Variants in KANSL3 observed in about 807,000 individuals in gnomAD.
KANSL3 encodes NSL complex protein NSL3.
Under a neutral mutation model 89.2 loss-of-function variants are expected in KANSL3, and 16 were observed. The ratio of observed to expected loss-of-function variants is 0.18; its 90% CI spans 0.12 to 0.27. The LOEUF (loss-of-function observed/expected upper bound fraction) is 0.27, where lower values mean the gene tolerates loss of function less well. Among genes scored for constraint, KANSL3 ranks in the 10% least tolerant of loss-of-function variants. The pLI, the probability that KANSL3 is intolerant of heterozygous loss-of-function variation, is 1.00. For synonymous variants in KANSL3, 385 were observed against 419.7 expected (o/e 0.92, Z 1.01); for missense variants, 879 against 1,110.6 (o/e 0.79, Z 2.96).
intron 5 of KANSL3, among the ~76,000 whole-genome samples, chr2:96,618,450 G>A (rs1268413278): frequency 6.6e-6 from 1 of 152,156 alleles, no homozygotes; most frequent in Admixed American, 6.5e-5. Flanking sequence ...TCAGCCTCCC[G>A]AAGTGCTAGG....
intron 5 of KANSL3, among the ~76,000 whole-genome samples, chr2:96,615,998 T>A (rs763079528): frequency 1.3e-5 from 2 of 152,182 alleles, no homozygotes; most frequent in Non-Finnish European, 2.9e-5. Flanking sequence ...GCATGTGAAA[T>A]GAGACAGGCT....
At chr2:96,621,467 T>C (rs946011127) in intron 3 of KANSL3, among the ~76,000 whole-genome samples, 5 of 151,200 alleles carry the variant, frequency 3.3e-5, no homozygotes, top group Admixed American at 2.6e-4. Flanking sequence ...TGAGCCGAGA[T>C]TGCGCCACTG....
intron 1 of KANSL3, among the ~76,000 whole-genome samples, chr2:96,637,761 T>C (rs781228864): frequency 6.6e-6 from 1 of 152,130 alleles, no homozygotes; most frequent in Non-Finnish European, 1.5e-5. Flanking sequence ...TATTCCAGAG[T>C]TGTTTACATA....
In KANSL3 at chr2:96,604,797, C is replaced by G. The variant is rs371454984; in HGVS notation, c.2000G>C (p.Gly667Ala). 17 of 1,597,450 alleles carry G rather than the reference C, an allele frequency of 1.1e-5. No homozygotes were observed. Among genetic ancestry groups the G allele is most frequent in the Non-Finnish European group, 1.3e-5 (15 of 1,172,096 alleles). ...QASAGAKELT[G>A]LLTTAKSSSS... ...CACTCACTTGGCTGTGGTGAGAAGT[C>G]CTGTGAGCTCCTTGGCCCCTGCTGA... is the stretch of plus-strand genomic sequence containing the variant. Residue 667 changes from glycine to alanine, a missense_variant, in exon 16 of 21, where the codon GGA (glycine) becomes GCA (alanine). Coordinates refer to ENST00000431828, the MANE Select transcript of KANSL3 (RefSeq NM_001115016.3).
intron 3 of KANSL3, chr2:96,627,839 G>T: frequency 9.1e-7 from 1 of 1,103,274 alleles, no homozygotes; most frequent in Non-Finnish European, 1.2e-6. Context: ...TTCAGGGACA[G>T]GGTCATAAAA....
At chr2:96,624,840 A>G (rs192345020) in intron 3 of KANSL3, among the ~76,000 whole-genome samples, 1 of 152,180 alleles carries the variant, frequency 6.6e-6, no homozygotes, top group East Asian at 1.9e-4. Context: ...TCTATATTTT[A>G]TATACTCATA....
At chr2:96,613,388 A>T in intron 6 of KANSL3, 100 bp downstream of exon 6, 1 of 927,364 alleles carries the variant, frequency 1.1e-6, no homozygotes, top group Non-Finnish European at 1.6e-6. Flanking sequence ...AATAATAATA[A>T]TAAATAGTTA....
chr2:96,626,612 C>A (rs1463001967), intron 3 of KANSL3, among the ~76,000 whole-genome samples: 2 of 152,138 alleles, frequency 1.3e-5, no homozygotes, highest in East Asian at 3.8e-4. Flanking sequence ...TTGAGCAATT[C>A]TGAGAAGTAT....
rs2074559274 is a variant in KANSL3, at chr2:96,638,273, C to A, written c.-51+10G>T. On this transcript the variant is annotated intron_variant, in intron 1 of 20. Coordinates refer to ENST00000431828, the MANE Select transcript of KANSL3 (RefSeq NM_001115016.3). ...CCCGCCACTCCCCTCGAAGCCAACGCTGCTCTCACCCGCGGTCTTACGGCC... is the reference window on the plus strand; with the variant it reads ...CCCGCCACTCCCCTCGAAGCCAACGATGCTCTCACCCGCGGTCTTACGGCC... 6.6e-6 allele frequency: 1 copy of A among 152,336 alleles called. No individual in the cohort carries two copies. The highest frequency in any genetic ancestry group is 1.5e-5 in the Non-Finnish European group (1 of 68,118). The allele number at this position is 152,336 out of a possible 1,614,324, so 9.4% of individuals were successfully genotyped here.
chr2:96,581,185 G>T, the KANSL3 span, among the ~76,000 whole-genome samples: 1 of 152,224 alleles, frequency 6.6e-6, no homozygotes, highest in African/African-American at 2.4e-5. Context: ...CAGCACTCCG[G>T]GAGGCCGAAG....
In KANSL3 at chr2:96,605,311, GAA is replaced by G; in HGVS notation, c.1933+7_1933+8del. The G allele has an allele frequency of 6.2e-7, 1 of 1,603,966 alleles. No individual in the cohort carries two copies. Among genetic ancestry groups the G allele is most frequent in the Non-Finnish European group, 8.5e-7 (1 of 1,173,628 alleles). ...TCAGTTCTCATTTAACGTACCAAGAGAAACTCACCTTCTGGAGCACTTCCTTG... is the reference window on the plus strand; with the variant it reads ...TCAGTTCTCATTTAACGTACCAAGAGACTCACCTTCTGGAGCACTTCCTTG... On this transcript the variant is annotated splice_region_variant and intron_variant, in intron 15 of 20. Transcript: ENST00000431828.
In KANSL3 at chr2:96,637,197, AG is replaced by A. The variant is rs1335886921; in HGVS notation, c.-50-13del. On this transcript the variant is annotated splice_polypyrimidine_tract_variant and intron_variant, in intron 1 of 20. Coordinates refer to ENST00000431828, the MANE Select transcript of KANSL3 (RefSeq NM_001115016.3). ...TGCATGCTAGTCACCTGCAGTGAAA[AG>A]TTTCAGTTTAGGTCAATTCCAATAT... 1.8e-6 allele frequency: 2 copies of A among 1,132,480 alleles called. No homozygotes were observed. Among genetic ancestry groups the A allele is most frequent in the Admixed American group, 2.3e-5 (1 of 44,024 alleles). The allele number at this position is 1,132,480 out of a possible 1,614,324, so 70.2% of individuals were successfully genotyped here.
chr2:96,623,140 T>G (rs1337189124), intron 3 of KANSL3, among the ~76,000 whole-genome samples: 1 of 152,226 alleles, frequency 6.6e-6, no homozygotes, highest in Non-Finnish European at 1.5e-5. Flanking sequence ...TCACAAATAC[T>G]GGGGAATTAA....
chr2:96,604,241 A>T lies in KANSL3; in HGVS notation c.2149+9T>A. ...TGTTGGAAGGGGAGAATGCTGGGCC[A>T]CAAGATACCTGGGAGGGAGCTGCCA... is the stretch of plus-strand genomic sequence containing the variant. On this transcript the variant is annotated intron_variant, in intron 17 of 20. Transcript: ENST00000431828. 4 of 1,595,808 alleles carry T rather than the reference A, an allele frequency of 2.5e-6. No homozygotes were observed. The highest frequency in any genetic ancestry group is 3.4e-6 in the Non-Finnish European group (4 of 1,172,924).
At chr2:96,622,129 A>T (rs1163992234) in intron 3 of KANSL3, among the ~76,000 whole-genome samples, 1 of 148,430 alleles carries the variant, frequency 6.7e-6, no homozygotes, top group Non-Finnish European at 1.5e-5. Flanking sequence ...AAAAAAAAAA[A>T]TTAAACAAAT....
rs35175492 is a variant in KANSL3 at position 96,609,950 on chromosome 2, C to CAAAAAAAAAAAAAAAAA, written c.1320-405_1320-389dup. On this transcript the variant is annotated intron_variant, in intron 11 of 20. Coordinates refer to ENST00000431828, the MANE Select transcript of KANSL3 (RefSeq NM_001115016.3). ...TAGGCGACAGAGCCAGGCGCCACCT[C>CAAAAAAAAAAAAAAAAA]AAAAAAAAAAAAAAAAAAAAAAAAA... Among the ~76,000 whole-genome samples, 2 of 21,612 alleles carry CAAAAAAAAAAAAAAAAA rather than the reference C, an allele frequency of 9.3e-5. 1 individual carries two copies. Among genetic ancestry groups the CAAAAAAAAAAAAAAAAA allele is most frequent in the African/African-American group, 4.1e-4 (2 of 4,872 alleles). The allele number at this position is 21,612 out of a possible 152,430, so 14.2% of individuals were successfully genotyped here. A position where few individuals can be genotyped will look rare whatever the true frequency, so the allele number is the denominator to read the frequency against.
intron 5 of KANSL3, among the ~76,000 whole-genome samples, chr2:96,614,656 A>G (rs1156577925): frequency 6.6e-6 from 1 of 151,996 alleles, no homozygotes; most frequent in Admixed American, 6.6e-5. Context: ...CAGTAATCCC[A>G]GCTACTTGGG....
rs752761438 is a variant in KANSL3 at position 96,610,745 on chromosome 2, C to T, written c.1300G>A (p.Gly434Arg). 2 of 1,613,840 alleles carry T rather than the reference C, an allele frequency of 1.2e-6. No homozygotes were observed. Among genetic ancestry groups the T allele is most frequent in the African/African-American group, 1.3e-5 (1 of 74,904 alleles). Reference protein sequence around the residue: ...RAENSLVVVGGADDNLRISKA... With the variant: ...RAENSLVVVGRADDNLRISKA... The stretch of plus-strand genomic sequence containing the variant: ...ACCCACCTGAGATTGTCATCAGCTC[C>T]CCCAACCACCACCAAGCTGTTCTCA... The change falls in exon 11 of 21, where the codon GGA (glycine) becomes AGA (arginine). Residue 434 changes from glycine (G) to arginine (R), a missense_variant. This residue lies in a region of KANSL3 where 198 missense variants were observed against 260.3 expected (regional missense o/e 0.76). Coordinates refer to ENST00000431828, the MANE Select transcript of KANSL3 (RefSeq NM_001115016.3).
In KANSL3 at chr2:96,624,055, G is replaced by A. The variant is rs146549026; in HGVS notation, c.387-4293C>T. 5.8e-4 allele frequency among the ~76,000 whole-genome samples: 88 copies of A among 152,324 alleles called. 1 individual carries two copies. In the East Asian group the frequency reaches 0.017, roughly 29 times the overall value. On this transcript the variant is annotated intron_variant, in intron 3 of 20. Coordinates refer to ENST00000431828, the MANE Select transcript of KANSL3 (RefSeq NM_001115016.3). ...TGGCTTAATCTCTGCTACTTCATCA[G>A]GATCCAGTTTTTGTGGTTTGATATT... is the stretch of plus-strand genomic sequence containing the variant.
Sources: gnomAD v4.1 joint callset for allele counts (sites outside exome capture counted in the v4.1 genomes callset) on GRCh38, gnomAD v4.1.1 for gene constraint, gnomAD v4.1.1 regional missense constraint, MANE v1.5 for transcripts, NCBI Gene and HGNC (gene_info 2026-07-23, HGNC 2026-07-21) for gene names.